Variants in PRKN observed in about 807,000 individuals in gnomAD.
PRKN encodes the protein parkin RBR E3 ubiquitin protein ligase.
Under a neutral mutation model 59.5 loss-of-function variants are expected in PRKN, and 56 were observed. That is an observed-to-expected ratio of 0.94 (90% CI 0.76 to 1.18). The LOEUF is 1.18. Ranked by LOEUF, PRKN falls within the 50% of genes most tolerant of loss-of-function variation. PRKN has a pLI of 0.00. For synonymous variants in PRKN, 250 were observed against 222.1 expected (o/e 1.13, Z -1.12); for missense variants, 657 against 596.4 (o/e 1.10, Z -1.06).
At chr6:161,605,169 G>A (rs530486556) in intron 7 of PRKN, among the ~76,000 whole-genome samples, 1 of 151,884 alleles carries the variant, frequency 6.6e-6, no homozygotes, top group South Asian at 2.1e-4. Context: ...ATTTTTCAAA[G>A]GATCTGTGTA....
chr6:161,382,232 T>C (rs1345899402), intron 10 of PRKN, among the ~76,000 whole-genome samples: 2 of 152,024 alleles, frequency 1.3e-5, no homozygotes, highest in African/African-American at 4.8e-5. Context: ...TATCAGAATG[T>C]ACAGTTGTCT....
chr6:162,641,977 C>T (rs1448163547), intron 1 of PRKN, among the ~76,000 whole-genome samples: 1 of 152,198 alleles, frequency 6.6e-6, no homozygotes, highest in Non-Finnish European at 1.5e-5. Flanking sequence ...ACTCATTATT[C>T]TCTTCATATG....
intron 6 of PRKN, among the ~76,000 whole-genome samples, chr6:161,902,562 T>TTTTTTTTTC (rs1562378538): frequency 4.0e-5 from 2 of 50,502 alleles, no homozygotes; most frequent in East Asian, 1.6e-3. Flanking sequence ...ATTTATTTAT[T>TTTTTTTTTC]TATTTTTTTT....
At chr6:162,190,547 A>G (rs537638460) in intron 4 of PRKN, among the ~76,000 whole-genome samples, 1 of 152,274 alleles carries the variant, frequency 6.6e-6, no homozygotes, top group East Asian at 1.9e-4. Context: ...AGTAAAGTCA[A>G]TTAACCTCTC....
chr6:162,343,090 T>C (rs1387415337), intron 2 of PRKN, among the ~76,000 whole-genome samples: 1 of 152,202 alleles, frequency 6.6e-6, no homozygotes, highest in Admixed American at 6.5e-5. Context: ...ACCTGTTATA[T>C]ACTGTCTGCA....
rs528441066 is a variant in PRKN at position 162,295,930 on chromosome 6, G to T, written c.172-33165C>A. 3.3e-5 allele frequency among the ~76,000 whole-genome samples: 5 copies of T among 152,170 alleles called. No homozygotes were observed. The South Asian group carries it at 8.3e-4, about 25-fold the overall frequency. ...CAGGAAGGGCTTTCTAATTGAGAGT[G>T]GATACCCATGCAGAAATTTTCGGAT... On this transcript the variant is annotated intron_variant, in intron 2 of 11. Transcript: ENST00000366898.
At chr6:162,139,085 A>G (rs920236482) in intron 4 of PRKN, among the ~76,000 whole-genome samples, 1 of 152,176 alleles carries the variant, frequency 6.6e-6, no homozygotes, top group Admixed American at 6.5e-5. Context: ...ATGGGCCATT[A>G]CCTCCTTAAA....
chr6:162,221,007 G>C (rs758190669), intron 3 of PRKN, among the ~76,000 whole-genome samples: 28 of 152,214 alleles, frequency 1.8e-4, no homozygotes, highest in Non-Finnish European at 3.2e-4. Flanking sequence ...CAAAGAGTTA[G>C]ATGAGTGAAG....
rs2115012823 is a variant in PRKN at position 161,414,578 on chromosome 6, T to C, written c.1084-27701A>G. 6.6e-6 allele frequency among the ~76,000 whole-genome samples: 1 copy of C among 152,330 alleles called. No homozygotes were observed. The highest frequency in any genetic ancestry group is 2.4e-5 in the African/African-American group (1 of 41,568). On this transcript the variant is annotated intron_variant, in intron 9 of 11. Coordinates refer to ENST00000366898, the MANE Select transcript of PRKN (RefSeq NM_004562.3). This position sits in a 1 kb window ranked among gnomAD's most constrained non-coding sequence, Gnocchi z 5.3. ...CTTCTAGCCTTTTGGCTGAGACTGT[T>C]TTGAAAAATAGAAAATGGCAGGTAA... is the stretch of plus-strand genomic sequence containing the variant.
Position 161,352,755 on chromosome 6 carries a change from G to GTGTGTGTGTGTGTGTGTA in PRKN, c.1286-2545_1286-2544insTACACACACACACACACA, listed in dbSNP as rs766949960. 7.2e-4 allele frequency among the ~76,000 whole-genome samples: 97 copies of GTGTGTGTGTGTGTGTGTA among 134,364 alleles called. No individual in the cohort carries two copies. The highest frequency in any genetic ancestry group is 3.1e-3 in the South Asian group (12 of 3,820). 88.1% of individuals were successfully genotyped at this position (134,364 alleles called of 152,430 possible). A position where few individuals can be genotyped will look rare whatever the true frequency, so the allele number is the denominator to read the frequency against. ...TGTGTGTGTGTGTGTGTGTGTGTGT[G>GTGTGTGTGTGTGTGTGTA]TATATATATATATATATTTTATTTT... On this transcript the variant is annotated intron_variant, in intron 11 of 11. Transcript: ENST00000366898. This position sits in a 1 kb window ranked among gnomAD's most constrained non-coding sequence, Gnocchi z 5.8.
Position 161,414,580 on chromosome 6 carries a change from T to C in PRKN, c.1084-27703A>G, listed in dbSNP as rs1411712256. Among the ~76,000 whole-genome samples, 1 of 152,240 alleles carries C rather than the reference T, an allele frequency of 6.6e-6. No homozygotes were observed. Among genetic ancestry groups the C allele is most frequent in the African/African-American group, 2.4e-5 (1 of 41,458 alleles). On this transcript the variant is annotated intron_variant, in intron 9 of 11. Coordinates refer to ENST00000366898, the MANE Select transcript of PRKN (RefSeq NM_004562.3). This position sits in a 1 kb window ranked among gnomAD's most constrained non-coding sequence, Gnocchi z 5.3. ...TCTAGCCTTTTGGCTGAGACTGTTTTGAAAAATAGAAAATGGCAGGTAATT... is the reference window on the plus strand; with the variant it reads ...TCTAGCCTTTTGGCTGAGACTGTTTCGAAAAATAGAAAATGGCAGGTAATT...
intron 9 of PRKN, among the ~76,000 whole-genome samples, chr6:161,516,585 T>A (rs576035298): frequency 1.3e-5 from 2 of 150,474 alleles, no homozygotes; most frequent in South Asian, 4.2e-4. Flanking sequence ...CTCAACACTT[T>A]GGGAGGCCGA....
intron 7 of PRKN, among the ~76,000 whole-genome samples, chr6:161,684,215 T>TA (rs954418133): frequency 2.0e-5 from 3 of 152,014 alleles, no homozygotes. Context: ...AAAATTTATT[T>TA]AAAAAAAATT....
intron 1 of PRKN, among the ~76,000 whole-genome samples, chr6:162,723,184 T>C (rs144963616): frequency 0.011 from 1,646 of 152,312 alleles, 21 homozygotes; most frequent in African/African-American, 0.038. Flanking sequence ...GTTCCCTCGT[T>C]TCCCTGGCAC....
chr6:161,442,602 C>T lies in PRKN; in HGVS notation c.1084-55725G>A, dbSNP rs1057249191. The stretch of plus-strand genomic sequence containing the variant: ...GCAGCACTGCTTGTATCTAAGGTGG[C>T]GACCTGGACCAAGGGTGGCCTTCGC... On this transcript the variant is annotated intron_variant, in intron 9 of 11. Transcript: ENST00000366898. The surrounding 1 kb of genome is among the most constrained non-coding windows in gnomAD (Gnocchi z 4.6). 6.6e-6 allele frequency among the ~76,000 whole-genome samples: 1 copy of T among 152,204 alleles called. No homozygotes were observed. Among genetic ancestry groups the T allele is most frequent in the South Asian group, 2.1e-4 (1 of 4,824 alleles).
At chr6:162,406,903 G>A (rs931774019) in intron 2 of PRKN, among the ~76,000 whole-genome samples, 6 of 152,026 alleles carry the variant, frequency 3.9e-5, no homozygotes, top group Non-Finnish European at 8.8e-5. Context: ...TATGGCTCTA[G>A]GAAGCTATTC....
chr6:161,836,261 C>T (rs1792750635), intron 6 of PRKN, among the ~76,000 whole-genome samples: 1 of 152,132 alleles, frequency 6.6e-6, no homozygotes. Context: ...CCTGAGAGCC[C>T]TGCCATATGT....
At chr6:162,203,319 A>T (rs1020795764) in intron 3 of PRKN, among the ~76,000 whole-genome samples, 1 of 152,146 alleles carries the variant, frequency 6.6e-6, no homozygotes, top group Non-Finnish European at 1.5e-5. Context: ...GATGACATGC[A>T]ATCTATTACA....
intron 3 of PRKN, among the ~76,000 whole-genome samples, chr6:162,213,162 T>A (rs1777464621): frequency 6.6e-6 from 1 of 152,142 alleles, no homozygotes; most frequent in Non-Finnish European, 1.5e-5. Flanking sequence ...AAAGGGAGAA[T>A]GATGGTTAGA....
Sources: gnomAD v4.1 joint callset for allele counts (sites outside exome capture counted in the v4.1 genomes callset) on GRCh38, gnomAD v4.1.1 for gene constraint, Gnocchi (gnomAD v3.1) non-coding constraint, MANE v1.5 for transcripts, NCBI Gene and HGNC (gene_info 2026-07-23, HGNC 2026-07-21) for gene names.